PACC1: variants seen among roughly 807,000 people sequenced by gnomAD.
PACC1 encodes proton-activated chloride channel.
A neutral mutation model predicts 39.7 loss-of-function variants in PACC1; 34 were observed. The observed-to-expected ratio is 0.86, with a 90% CI of 0.65 to 1.14. The LOEUF (loss-of-function observed/expected upper bound fraction) is 1.14. PACC1 is among the 50% of genes most tolerant of loss of function. PACC1 has a pLI of 0.00. For missense variants in PACC1, 379 were observed against 436.4 expected (o/e 0.87, Z 1.17); for synonymous variants, 127 against 160.6 (o/e 0.79, Z 1.58).
intron 2 of PACC1, among the ~76,000 whole-genome samples, chr1:212,399,459 A>G (rs565552715): frequency 1.4e-4 from 21 of 152,232 alleles, no homozygotes; most frequent in Non-Finnish European, 2.6e-4. Flanking sequence ...GAGAAGTCTG[A>G]AACACTTTTT....
intron 1 of PACC1, 101 bp from the exon 2 acceptor site, chr1:212,410,622 A>G: frequency 9.7e-7 from 1 of 1,027,816 alleles, no homozygotes. Flanking sequence ...CTTAATTGTC[A>G]CCAAAAACCA....
chr1:212,401,021 G>C (rs1025397048), intron 2 of PACC1, among the ~76,000 whole-genome samples: 4 of 152,066 alleles, frequency 2.6e-5, no homozygotes, highest in African/African-American at 7.2e-5. Context: ...TGAATTTTTT[G>C]CCTACCTTTT....
chr1:212,377,773 C>A lies in PACC1; in HGVS notation c.639-67G>T, dbSNP rs6691835. The A allele has an allele frequency of 1.9e-6, 3 of 1,573,432 alleles. No homozygotes were observed. The African/African-American group carries it at 4.1e-5, about 21-fold the overall frequency. On this transcript the variant is annotated intron_variant, in intron 5 of 7. Transcript: ENST00000261455. Reference sequence around the variant, plus strand: ...GTCTGGCAGCAGGAGTCGAAGCCCCCACTGCAAGCTGGTTTCTTTGCTGGC... The same window carrying A: ...GTCTGGCAGCAGGAGTCGAAGCCCCAACTGCAAGCTGGTTTCTTTGCTGGC...
chr1:212,387,011 G>A lies in PACC1; in HGVS notation c.223C>T (p.Leu75=). The A allele has an allele frequency of 6.2e-7, 1 of 1,614,230 alleles. No homozygotes were observed. The highest frequency in any genetic ancestry group is 8.5e-7 in the Non-Finnish European group (1 of 1,180,022). The change falls in exon 3 of 8, where the codon CTG becomes TTG. Residue 75 remains leucine, a synonymous_variant. Transcript: ENST00000261455. ...AAGACGGCCACAGCCATGAGCAGCAGGTAGATGAAGATGAGTAGGACCGAG... is the reference window on the plus strand; with the variant it reads ...AAGACGGCCACAGCCATGAGCAGCAAGTAGATGAAGATGAGTAGGACCGAG... The part of the protein sequence containing the change: ...VFSVLLIFIY[L]LLMAVAVFLV...
chr1:212,391,888 G>A (rs944667838), intron 2 of PACC1, among the ~76,000 whole-genome samples: 1 of 152,050 alleles, frequency 6.6e-6, no homozygotes, highest in African/African-American at 2.4e-5. Context: ...GAGAAGTTTA[G>A]AGAAAAAAAG....
chr1:212,401,383 TGG>T (rs1198485577), intron 2 of PACC1, among the ~76,000 whole-genome samples: 2 of 152,202 alleles, frequency 1.3e-5, no homozygotes, highest in East Asian at 3.9e-4. Context: ...CCCAACACTT[TGG>T]GACTCTGAGG....
chr1:212,411,537 T>G (rs1022576768), intron 1 of PACC1, among the ~76,000 whole-genome samples: 1 of 151,990 alleles, frequency 6.6e-6, no homozygotes, highest in African/African-American at 2.4e-5. Flanking sequence ...AAGGATACCA[T>G]GATAATCAAC....
intron 2 of PACC1, among the ~76,000 whole-genome samples, chr1:212,388,103 G>C (rs1054977859): frequency 6.6e-6 from 1 of 150,938 alleles, no homozygotes; most frequent in African/African-American, 2.4e-5. Context: ...TCTTGAGGAA[G>C]CCTCTCCTGA....
chr1:212,407,812 C>T (rs1378597720), intron 2 of PACC1, among the ~76,000 whole-genome samples: 2 of 152,070 alleles, frequency 1.3e-5, no homozygotes, highest in East Asian at 1.9e-4. Flanking sequence ...CGGTGGCCCA[C>T]GCCTGTAATC....
rs1378789723 is a variant in PACC1, at chr1:212,377,817, A to T, written c.639-111T>A. 8 of 1,242,248 alleles carry T rather than the reference A, an allele frequency of 6.4e-6. No individual in the cohort carries two copies. The East Asian group carries it at 1.7e-4, about 26-fold the overall frequency. The allele number at this position is 1,242,248 out of a possible 1,614,324, so 77.0% of individuals were successfully genotyped here. A position where few individuals can be genotyped will look rare whatever the true frequency, so the allele number is the denominator to read the frequency against. On this transcript the variant is annotated intron_variant, in intron 5 of 7. Transcript: ENST00000261455. Reference sequence around the variant, plus strand: ...TGCTGGCACAACCAGGATGCTGCCCACTCCCTGCCTCCTCTCCAAATTGTG... The same window carrying T: ...TGCTGGCACAACCAGGATGCTGCCCTCTCCCTGCCTCCTCTCCAAATTGTG...
Position 212,397,196 on chromosome 1 carries a change from C to A in PACC1, c.134-10096G>T, listed in dbSNP as rs570520320. ...AGCTACTTAAAAAAAATTAAGACTG[C>A]CTACAGCAGAAATTACTCAACAATA... is the stretch of plus-strand genomic sequence containing the variant. On this transcript the variant is annotated intron_variant, in intron 2 of 7. Transcript: ENST00000261455. 9.9e-5 allele frequency among the ~76,000 whole-genome samples: 15 copies of A among 151,958 alleles called. No individual in the cohort carries two copies. In the South Asian group the frequency reaches 3.1e-3, roughly 32 times the overall value.
At chr1:212,381,747 C>T (rs1320291640) in intron 4 of PACC1, among the ~76,000 whole-genome samples, 1 of 101,304 alleles carries the variant, frequency 9.9e-6, no homozygotes, top group Non-Finnish European at 2.0e-5. Flanking sequence ...TGGACCAGAA[C>T]AATGCCCAGG....
chr1:212,364,442 T>C lies in PACC1; in HGVS notation c.*773A>G, dbSNP rs991009061. The C allele has an allele frequency of 4.6e-5, 7 of 152,370 alleles. No homozygotes were observed. The highest frequency in any genetic ancestry group is 1.4e-4 in the African/African-American group (6 of 41,452). 9.4% of individuals were successfully genotyped at this position (152,370 alleles called of 1,614,324 possible). A position where few individuals can be genotyped will look rare whatever the true frequency, so the allele number is the denominator to read the frequency against. On this transcript the variant is annotated 3_prime_UTR_variant, in exon 8 of 8. Transcript: ENST00000261455. Reference sequence around the variant, plus strand: ...ACCAAATGAAAGTAATTGTGCCCGATGATTGAGCAGATATTCATATTGTCA... The same window carrying C: ...ACCAAATGAAAGTAATTGTGCCCGACGATTGAGCAGATATTCATATTGTCA...
At chr1:212,379,871 C>G (rs1470773325) in intron 5 of PACC1, 24 bp downstream of exon 5, 1 of 1,613,480 alleles carries the variant, frequency 6.2e-7, no homozygotes. Flanking sequence ...GACAGTAAGC[C>G]CACTGTGAAC....
intron 2 of PACC1, among the ~76,000 whole-genome samples, chr1:212,406,560 T>C (rs948996728): frequency 2.0e-5 from 3 of 151,688 alleles, no homozygotes; most frequent in Non-Finnish European, 4.4e-5. Context: ...CTGAGAGTTG[T>C]GTATCAGTCC....
At chr1:212,365,425 G>GTTT in intron 7 of PACC1, 49 bp from the exon 8 acceptor site, 17 of 1,023,464 alleles carry the variant, frequency 1.7e-5, no homozygotes, top group Non-Finnish European at 2.3e-5. Context: ...CTTCAGTCTT[G>GTTT]ATTCTTTTTT....
chr1:212,398,351 T>G (rs142066412), intron 2 of PACC1, among the ~76,000 whole-genome samples: 24 of 152,384 alleles, frequency 1.6e-4, no homozygotes, highest in African/African-American at 5.8e-4. Flanking sequence ...AGTCTTGCCA[T>G]GCTAACTCAA....
Position 212,414,830 on chromosome 1 carries a change from T to C in PACC1, c.-73A>G. 6 of 1,590,096 alleles carry C rather than the reference T, an allele frequency of 3.8e-6. No homozygotes were observed. The highest frequency in any genetic ancestry group is 1.7e-4 in the Middle Eastern group (1 of 6,000). On this transcript the variant is annotated 5_prime_UTR_variant, in exon 1 of 8. Coordinates refer to ENST00000261455, the MANE Select transcript of PACC1 (RefSeq NM_018252.3). Reference sequence around the variant, plus strand: ...CGCACGGACGCAGCACTGCGGCCGCTGCACCTGGACCTACCGGCTCCGCGA... The same window carrying C: ...CGCACGGACGCAGCACTGCGGCCGCCGCACCTGGACCTACCGGCTCCGCGA...
chr1:212,409,750 G>A (rs1202458792), intron 2 of PACC1, among the ~76,000 whole-genome samples: 1 of 152,168 alleles, frequency 6.6e-6, no homozygotes, highest in Non-Finnish European at 1.5e-5. Context: ...GTAACCTCTG[G>A]GCTAGAGATG....
Sources: allele counts gnomAD v4.1 joint callset (sites outside exome capture counted in the v4.1 genomes callset), GRCh38; gene constraint gnomAD v4.1.1; transcripts MANE v1.5; gene names NCBI Gene and HGNC (gene_info 2026-07-23, HGNC 2026-07-21).